The following NRXN3 variants were observed in gnomAD, a reference collection of about 807,000 sequenced individuals.
NRXN3 encodes the protein neurexin 3, also known as neurexin III.
Under a neutral mutation model 137.6 loss-of-function variants are expected in NRXN3, and 32 were observed. That is an observed-to-expected ratio of 0.23 (90% CI 0.18 to 0.31). NRXN3 has a LOEUF of 0.31. Among genes scored for constraint, NRXN3 ranks in the 10% least tolerant of loss-of-function variants. The probability of loss-of-function intolerance (pLI) is 1.00; values close to 1 mark genes in which losing one functional copy is unlikely to be tolerated. For missense variants in NRXN3, 1,574 were observed against 2,062.5 expected (o/e 0.76, Z 4.59); for synonymous variants, 798 against 784.5 (o/e 1.02, Z -0.29).
intron 4 of NRXN3, among the ~76,000 whole-genome samples, chr14:78,599,576 C>T (rs1452678423): frequency 6.6e-6 from 1 of 152,166 alleles, no homozygotes; most frequent in Admixed American, 6.5e-5. Context: ...TTCAGGATCA[C>T]CATTGATTCC....
At chr14:78,172,193 G>A (rs2058788618) in intron 1 of NRXN3, among the ~76,000 whole-genome samples, 1 of 152,132 alleles carries the variant, frequency 6.6e-6, no homozygotes, top group Admixed American at 6.5e-5. Flanking sequence ...TTGTGATGAA[G>A]GTTCCAGTGG....
intron 15 of NRXN3, among the ~76,000 whole-genome samples, chr14:79,326,272 C>T (rs926363993): frequency 7.2e-5 from 11 of 152,064 alleles, no homozygotes; most frequent in African/African-American, 2.2e-4. Flanking sequence ...GTCCCTAGTC[C>T]GTATCCCTAA....
At chr14:79,069,533 G>A (rs1465478870) in intron 15 of NRXN3, among the ~76,000 whole-genome samples, 1 of 140,650 alleles carries the variant, frequency 7.1e-6, no homozygotes, top group Non-Finnish European at 1.5e-5. Flanking sequence ...GTAGATAAAA[G>A]AAATAGGGAC....
chr14:78,651,357 C>G (rs1245559784), intron 6 of NRXN3, 31 bp downstream of exon 6: 2 of 1,603,838 alleles, frequency 1.2e-6, no homozygotes, highest in Admixed American at 3.4e-5. Context: ...TTTAATGCAC[C>G]ATGTGATTGT....
chr14:79,619,119 A>G (rs2098193770), intron 16 of NRXN3, among the ~76,000 whole-genome samples: 1 of 152,068 alleles, frequency 6.6e-6, no homozygotes, highest in Non-Finnish European at 1.5e-5. Context: ...TTTTAAATGC[A>G]TAGTTTACAA....
rs1422190776 is a variant in NRXN3 at position 78,243,038 on chromosome 14, T to C, written c.-56T>C. ...CTTCTATTGCCAAAGGGAGAGATCCTCTCCGGGCTGTTCCCTGGCCTGTCT... is the reference window on the plus strand; with the variant it reads ...CTTCTATTGCCAAAGGGAGAGATCCCCTCCGGGCTGTTCCCTGGCCTGTCT... On this transcript the variant is annotated 5_prime_UTR_variant, in exon 2 of 21. Transcript: ENST00000335750. The surrounding 1 kb of genome is among the most constrained non-coding windows in gnomAD (Gnocchi z 4.2). 1 of 1,303,788 alleles carries C rather than the reference T, an allele frequency of 7.7e-7. No homozygotes were observed. Among genetic ancestry groups the C allele is most frequent in the East Asian group, 2.5e-5 (1 of 39,550 alleles). 80.8% of individuals were successfully genotyped at this position (1,303,788 alleles called of 1,614,324 possible). A position where few individuals can be genotyped will look rare whatever the true frequency, so the allele number is the denominator to read the frequency against.
chr14:79,471,870 A>G (rs779046198), intron 16 of NRXN3, among the ~76,000 whole-genome samples: 15 of 152,090 alleles, frequency 9.9e-5, no homozygotes, highest in Non-Finnish European at 1.6e-4. Context: ...GTACAAGTGC[A>G]GGTTTGTAGG....
At chr14:78,648,293 A>C (rs576428923) in intron 5 of NRXN3, among the ~76,000 whole-genome samples, 1 of 152,320 alleles carries the variant, frequency 6.6e-6, no homozygotes, top group South Asian at 2.1e-4. Context: ...CTTTACCTCT[A>C]TGTGTTAACT....
At chr14:78,290,345 T>G (rs2075676181) in intron 3 of NRXN3, among the ~76,000 whole-genome samples, 1 of 152,210 alleles carries the variant, frequency 6.6e-6, no homozygotes, top group African/African-American at 2.4e-5. Context: ...CAGCATGCCA[T>G]GAATGTCTTC....
intron 6 of NRXN3, among the ~76,000 whole-genome samples, chr14:78,681,652 G>T (rs1278873745): frequency 1.3e-5 from 2 of 152,058 alleles, no homozygotes; most frequent in Non-Finnish European, 2.9e-5. Flanking sequence ...GACTGTTTGA[G>T]CCTAAAGGAA....
At chr14:79,178,907 A>T (rs373698613) in intron 15 of NRXN3, among the ~76,000 whole-genome samples, 3 of 152,194 alleles carry the variant, frequency 2.0e-5, no homozygotes, top group African/African-American at 7.2e-5. Flanking sequence ...AAATTGCTTC[A>T]GTGATTTTCC....
intron 16 of NRXN3, among the ~76,000 whole-genome samples, chr14:79,473,899 AG>A (rs1486456137): frequency 1.3e-5 from 2 of 148,840 alleles, no homozygotes; most frequent in Admixed American, 1.3e-4. Flanking sequence ...AGAAGGTGGG[AG>A]AAGGGAGTAG....
intron 10 of NRXN3, among the ~76,000 whole-genome samples, chr14:78,920,121 C>A (rs560636540): frequency 6.6e-6 from 1 of 152,202 alleles, no homozygotes; most frequent in Non-Finnish European, 1.5e-5. Flanking sequence ...ATCCACCTTA[C>A]ATCCTATCTT....
At chr14:79,576,061 A>G (rs745925875) in intron 16 of NRXN3, among the ~76,000 whole-genome samples, 1 of 152,170 alleles carries the variant, frequency 6.6e-6, no homozygotes, top group Non-Finnish European at 1.5e-5. Context: ...GGGGTGTGCA[A>G]AAGAATGTGT....
At chr14:79,723,894 T>C (rs1476840359) in intron 19 of NRXN3, among the ~76,000 whole-genome samples, 1 of 152,142 alleles carries the variant, frequency 6.6e-6, no homozygotes, top group East Asian at 1.9e-4. Context: ...TGTTGTTCTC[T>C]AGCCCATGAA....
rs943599869 is a variant in NRXN3, at chr14:78,215,191, C to T, written c.-703-27200C>T. Among the ~76,000 whole-genome samples the T allele has an allele frequency of 1.3e-4, 20 of 152,258 alleles. No homozygotes were observed. The East Asian group carries it at 1.4e-3, about 10-fold the overall frequency. ...CAGACCCTGTTGCTGATCCTGTTCCCGAGCCCACTCTGGCCCTCTCCCCCT... is the reference window on the plus strand; with the variant it reads ...CAGACCCTGTTGCTGATCCTGTTCCTGAGCCCACTCTGGCCCTCTCCCCCT... On this transcript the variant is annotated intron_variant, in intron 1 of 20. Coordinates refer to ENST00000335750, the MANE Select transcript of NRXN3 (RefSeq NM_001330195.2).
chr14:79,277,204 C>A (rs116181212), intron 15 of NRXN3, among the ~76,000 whole-genome samples: 257 of 152,142 alleles, frequency 1.7e-3, no homozygotes, highest in African/African-American at 6.0e-3. Flanking sequence ...ACAGAAGGGG[C>A]CAACAATGCT....
At chr14:79,171,118 C>T (rs2061733663) in intron 15 of NRXN3, among the ~76,000 whole-genome samples, 1 of 152,034 alleles carries the variant, frequency 6.6e-6, no homozygotes, top group Non-Finnish European at 1.5e-5. Flanking sequence ...TGAAATTACA[C>T]TTCAAAAAAA....
intron 15 of NRXN3, among the ~76,000 whole-genome samples, chr14:79,364,522 G>T (rs1052453323): frequency 6.6e-6 from 1 of 152,144 alleles, no homozygotes; most frequent in African/African-American, 2.4e-5. Context: ...AGGATGCAAA[G>T]GAGTATGAAA....
Sources: gnomAD v4.1 joint callset for allele counts (sites outside exome capture counted in the v4.1 genomes callset) on GRCh38, gnomAD v4.1.1 for gene constraint, Gnocchi (gnomAD v3.1) non-coding constraint, MANE v1.5 for transcripts, NCBI Gene and HGNC (gene_info 2026-07-23, HGNC 2026-07-21) for gene names.